The following NAALADL2 variants were observed in gnomAD, a reference collection of about 807,000 sequenced individuals.
NAALADL2 encodes the protein N-acetylated alpha-linked acidic dipeptidase like 2, also known as inactive N-acetylated-alpha-linked acidic dipeptidase-like protein 2.
Under a neutral mutation model 87.2 loss-of-function variants are expected in NAALADL2, and 76 were observed. The ratio of observed to expected loss-of-function variants is 0.87; its 90% confidence interval spans 0.72 to 1.05. NAALADL2 has a LOEUF of 1.05. NAALADL2 is among the 50% of genes least tolerant of loss of function. The pLI, the probability that NAALADL2 is intolerant of heterozygous loss-of-function variation, is 0.00. For synonymous variants in NAALADL2, 354 were observed against 331.0 expected (o/e 1.07, Z -0.75); for missense variants, 1,089 against 945.8 (o/e 1.15, Z -1.99).
In NAALADL2 at chr3:174,836,113, A is replaced by G. The variant is rs73881528; in HGVS notation, c.-9+98367A>G. On this transcript the variant is annotated intron_variant, in intron 3 of 3. Transcript: ENST00000434257. ...CAACCCAAAAGTCTATTGATGGATG[A>G]ATAGATAAACGTTGTATACAGTGGA... Among the ~76,000 whole-genome samples, 913 of 152,364 alleles carry G rather than the reference A, an allele frequency of 6.0e-3. 11 individuals carry two copies. Among genetic ancestry groups the G allele is most frequent in the African/African-American group, 0.021 (875 of 41,590 alleles).
At chr3:174,757,100 T>C (rs542508778) in intron 3 of NAALADL2, among the ~76,000 whole-genome samples, 8 of 152,344 alleles carry the variant, frequency 5.3e-5, no homozygotes, top group Admixed American at 2.0e-4. Flanking sequence ...ACTCCTTGAA[T>C]GCAACAAAAT....
chr3:174,974,821 G>A (rs765776279), intron 1 of NAALADL2, among the ~76,000 whole-genome samples: 2 of 151,986 alleles, frequency 1.3e-5, no homozygotes, highest in South Asian at 2.1e-4. Flanking sequence ...GGAGAGAGAG[G>A]CAAAATATTG....
At chr3:175,548,525 A>G (rs9810914) in intron 9 of NAALADL2, among the ~76,000 whole-genome samples, 96,928 of 151,868 alleles carry the variant, frequency 0.64, 32,294 homozygotes, top group East Asian at 0.87. Flanking sequence ...TATGTAGCAA[A>G]CTTGCATTTG....
At chr3:175,560,457 C>A (rs544371076) in intron 9 of NAALADL2, among the ~76,000 whole-genome samples, 1 of 151,634 alleles carries the variant, frequency 6.6e-6, no homozygotes. Flanking sequence ...GTTTTTATTT[C>A]GTTTCAATTT....
Position 174,737,071 on chromosome 3 carries a change from G to C in NAALADL2, c.-114-570G>C, listed in dbSNP as rs572576291. The stretch of plus-strand genomic sequence containing the variant: ...GGGGTCCTGCCCTGCCAACTCAGGA[G>C]GGTGGAGATTCCACCTGTTCCTGGC... On this transcript the variant is annotated intron_variant, in intron 2 of 3. Transcript: ENST00000434257. Among the ~76,000 whole-genome samples, 265 of 152,358 alleles carry C rather than the reference G, an allele frequency of 1.7e-3. 1 individual carries two copies. Among genetic ancestry groups the C allele is most frequent in the African/African-American group, 6.2e-3 (258 of 41,600 alleles).
At chr3:175,120,911 A>G (rs1018274090) in intron 2 of NAALADL2, among the ~76,000 whole-genome samples, 1 of 151,832 alleles carries the variant, frequency 6.6e-6, no homozygotes, top group Non-Finnish European at 1.5e-5. Context: ...CAATCATTCA[A>G]CAAATGATGT....
At chr3:175,348,374 A>G (rs1267134929) in intron 5 of NAALADL2, among the ~76,000 whole-genome samples, 1 of 152,230 alleles carries the variant, frequency 6.6e-6, no homozygotes, top group Non-Finnish European at 1.5e-5. Context: ...TTCCTAATTT[A>G]AAGAATACTT....
At chr3:174,990,741 G>T (rs1054061582) in intron 1 of NAALADL2, among the ~76,000 whole-genome samples, 1 of 152,054 alleles carries the variant, frequency 6.6e-6, no homozygotes, top group Non-Finnish European at 1.5e-5. Flanking sequence ...AACACTCTCT[G>T]CACATTTGAA....
chr3:175,791,022 CAAAT>C (rs1013560998), intron 13 of NAALADL2, among the ~76,000 whole-genome samples: 1 of 152,124 alleles, frequency 6.6e-6, no homozygotes, highest in Admixed American at 6.5e-5. Context: ...AATACAGACT[CAAAT>C]AAAGCATCTC....
chr3:175,007,530 G>T (rs549805850), intron 1 of NAALADL2, among the ~76,000 whole-genome samples: 1 of 152,066 alleles, frequency 6.6e-6, no homozygotes, highest in African/African-American at 2.4e-5. Flanking sequence ...AGGCCCCTGG[G>T]GCTATAGATT....
intron 4 of NAALADL2, among the ~76,000 whole-genome samples, chr3:175,265,889 G>T (rs1039536507): frequency 1.3e-5 from 2 of 151,024 alleles, no homozygotes; most frequent in Non-Finnish European, 3.0e-5. Flanking sequence ...GCTAATATAT[G>T]TTAATTTATT....
At chr3:175,768,820 C>G (rs1428077094) in intron 13 of NAALADL2, among the ~76,000 whole-genome samples, 4 of 148,386 alleles carry the variant, frequency 2.7e-5, no homozygotes, top group Non-Finnish European at 5.9e-5. Context: ...CCACAGCACT[C>G]CAGCCTGGGT....
chr3:175,108,808 G>A (rs1014532132), intron 2 of NAALADL2, among the ~76,000 whole-genome samples: 1 of 151,852 alleles, frequency 6.6e-6, no homozygotes, highest in Admixed American at 6.6e-5. Flanking sequence ...TGTGGGCAAA[G>A]AGCAAAGATA....
At chr3:175,268,800 T>G (rs1462034109) in intron 4 of NAALADL2, among the ~76,000 whole-genome samples, 1 of 152,168 alleles carries the variant, frequency 6.6e-6, no homozygotes, top group Non-Finnish European at 1.5e-5. Context: ...ATCACTGTCT[T>G]CCACCTCCAT....
intron 2 of NAALADL2, among the ~76,000 whole-genome samples, chr3:175,164,216 A>G (rs1279515590): frequency 1.3e-5 from 2 of 152,058 alleles, no homozygotes; most frequent in African/African-American, 4.8e-5. Context: ...ATAACAAGGA[A>G]AAAGAATGAG....
At chr3:175,153,824 A>G (rs1459676368) in intron 2 of NAALADL2, among the ~76,000 whole-genome samples, 2 of 152,186 alleles carry the variant, frequency 1.3e-5, no homozygotes, top group African/African-American at 2.4e-5. Context: ...CTTTTTCACT[A>G]GAGTGAGTAT....
chr3:175,549,277 T>C (rs1056991104), intron 9 of NAALADL2, among the ~76,000 whole-genome samples: 8 of 151,932 alleles, frequency 5.3e-5, no homozygotes, highest in Admixed American at 2.0e-4. Flanking sequence ...ACCAAAAAAA[T>C]TGGATGTGTA....
intron 3 of NAALADL2, among the ~76,000 whole-genome samples, chr3:174,754,401 A>C (rs1711712498): frequency 6.6e-6 from 1 of 152,038 alleles, no homozygotes; most frequent in African/African-American, 2.4e-5. Context: ...TTTTTTGTGA[A>C]TGAAGATTAA....
At chr3:175,155,413 A>C (rs1167359309) in intron 2 of NAALADL2, among the ~76,000 whole-genome samples, 1 of 152,156 alleles carries the variant, frequency 6.6e-6, no homozygotes, top group Admixed American at 6.6e-5. Flanking sequence ...AGTGACAAAA[A>C]CCAACCTGGC....
Sources: gnomAD v4.1 joint callset for allele counts (sites outside exome capture counted in the v4.1 genomes callset) on GRCh38, gnomAD v4.1.1 for gene constraint, MANE v1.5 for transcripts, NCBI Gene and HGNC (gene_info 2026-07-23, HGNC 2026-07-21) for gene names.